ATG7: variants seen among roughly 807,000 people sequenced by gnomAD.
ATG7 encodes the protein autophagy related 7, also known as ubiquitin-like modifier-activating enzyme ATG7.
A neutral mutation model predicts 82.4 loss-of-function variants in ATG7; 70 were observed. That is an observed-to-expected ratio of 0.85 (90% CI 0.70 to 1.04). The LOEUF (loss-of-function observed/expected upper bound fraction) is 1.04. Among genes scored for constraint, ATG7 ranks in the 50% least tolerant of loss-of-function variants. The pLI, the probability that ATG7 is intolerant of heterozygous loss-of-function variation, is 0.00. For synonymous variants in ATG7, 287 were observed against 313.0 expected, an observed-to-expected ratio of 0.92 and a Z score of 0.88; for missense variants, 792 against 864.3, an observed-to-expected ratio of 0.92 and a Z score of 1.05.
At chr3:11,435,674 C>T (rs914094710) in intron 20 of ATG7, among the ~76,000 whole-genome samples, 1 of 152,128 alleles carries the variant, frequency 6.6e-6, no homozygotes, top group Non-Finnish European at 1.5e-5. Flanking sequence ...CAGGCAGGAC[C>T]GTGTGCAGCA....
At chr3:11,300,565 A>T (rs1020819386) in intron 5 of ATG7, among the ~76,000 whole-genome samples, 1 of 152,196 alleles carries the variant, frequency 6.6e-6, no homozygotes, top group Non-Finnish European at 1.5e-5. Context: ...GTCTGCTAGA[A>T]ATGTCCAGGA....
At chr3:11,558,732 T>C (rs1473501373), downstream of ATG7, 4 of 1,614,074 alleles carry the variant, frequency 2.5e-6, no homozygotes, top group Non-Finnish European at 3.4e-6. Context: ...GAGCCCGTGA[T>C]GGACACGGAG....
At chr3:11,286,492 G>T (rs527831596) in intron 3 of ATG7, among the ~76,000 whole-genome samples, 2 of 146,572 alleles carry the variant, frequency 1.4e-5, no homozygotes, top group African/African-American at 2.5e-5. Flanking sequence ...GTTATTTCTT[G>T]CTTTTGTTTC....
At chr3:11,575,582 A>G in the ATG7 span, among the ~76,000 whole-genome samples, 2 of 152,200 alleles carry the variant, frequency 1.3e-5, no homozygotes, top group Non-Finnish European at 2.9e-5. Context: ...GCGGATCCGG[A>G]ACCACAGTGT....
intron 2 of ATG7, among the ~76,000 whole-genome samples, chr3:11,281,365 G>A (rs1398953662): frequency 6.6e-6 from 1 of 152,216 alleles, no homozygotes; most frequent in Non-Finnish European, 1.5e-5. Context: ...TGAAGCAGAG[G>A]TGTAATTTTC....
At chr3:11,328,065 A>G (rs1575475106) in intron 9 of ATG7, among the ~76,000 whole-genome samples, 1 of 152,224 alleles carries the variant, frequency 6.6e-6, no homozygotes, top group Non-Finnish European at 1.5e-5. Flanking sequence ...ATTCAAGTCC[A>G]TGGAGTGGAC....
At chr3:11,531,048 C>T (rs760906651) in intron 20 of ATG7, among the ~76,000 whole-genome samples, 3 of 152,182 alleles carry the variant, frequency 2.0e-5, no homozygotes, top group Non-Finnish European at 2.9e-5. Context: ...AGTGTCTGCT[C>T]ACCACAGGAC....
chr3:11,336,583 A>ATAAT (rs543635016), intron 11 of ATG7, among the ~76,000 whole-genome samples: 44 of 152,364 alleles, frequency 2.9e-4, no homozygotes, highest in Admixed American at 1.2e-3. Context: ...AACTGAAAAT[A>ATAAT]TAAGTATGGT....
Position 11,315,392 on chromosome 3 carries a change from G to A in ATG7, c.577G>A (p.Val193Ile). The A allele has an allele frequency of 6.2e-7, 1 of 1,611,564 alleles. No individual in the cohort carries two copies. The highest frequency in any genetic ancestry group is 8.5e-7 in the Non-Finnish European group (1 of 1,178,910). ...TGATAATCTTTGTCAAACAGAAGGAGTCACAGCTCTTCCTTACTTCTTAAT... is the reference window on the plus strand; with the variant it reads ...TGATAATCTTTGTCAAACAGAAGGAATCACAGCTCTTCCTTACTTCTTAAT... ...AYDNLCQTEG[V>I]TALPYFLIKY... is the part of the protein sequence containing the mutation. The change falls in exon 9 of 21, where the codon GTC (valine) becomes ATC (isoleucine). Residue 193 changes from valine to isoleucine, a missense_variant. Coordinates refer to ENST00000693202, the MANE Select transcript of ATG7 (RefSeq NM_001349232.2).
At chr3:11,277,823 G>A (rs1942140525) in intron 1 of ATG7, among the ~76,000 whole-genome samples, 2 of 144,420 alleles carry the variant, frequency 1.4e-5, no homozygotes, top group South Asian at 4.4e-4. Context: ...TACTGCAGGA[G>A]AACAGGGCAT....
At chr3:11,524,849 A>G (rs2092533772) in intron 20 of ATG7, among the ~76,000 whole-genome samples, 1 of 152,112 alleles carries the variant, frequency 6.6e-6, no homozygotes, top group Non-Finnish European at 1.5e-5. Context: ...GCAGATCCCC[A>G]TTGTCCTGTC....
intron 19 of ATG7, among the ~76,000 whole-genome samples, chr3:11,424,597 TAATA>T (rs1252492453): frequency 4.7e-5 from 5 of 107,416 alleles, no homozygotes; most frequent in African/African-American, 1.1e-4. Context: ...ATTTTAATTT[TAATA>T]AATATTAATT....
intron 3 of ATG7, among the ~76,000 whole-genome samples, chr3:11,293,410 A>G (rs1945281657): frequency 6.6e-6 from 1 of 152,006 alleles, no homozygotes; most frequent in Non-Finnish European, 1.5e-5. Context: ...GCATGCCTGT[A>G]ATCCCAGCTA....
chr3:11,567,875 C>T, the ATG7 span, among the ~76,000 whole-genome samples: 1 of 152,194 alleles, frequency 6.6e-6, no homozygotes, highest in Non-Finnish European at 1.5e-5. Flanking sequence ...TTCTCTCCAC[C>T]CCAGGTGATG....
chr3:11,461,207 A>T (rs1044075402), intron 20 of ATG7, among the ~76,000 whole-genome samples: 2 of 152,206 alleles, frequency 1.3e-5, no homozygotes, highest in Non-Finnish European at 2.9e-5. Flanking sequence ...GAAAAATAAG[A>T]AATGCAGAGA....
intron 11 of ATG7, among the ~76,000 whole-genome samples, chr3:11,338,501 G>T (rs1193496254): frequency 6.6e-6 from 1 of 151,518 alleles, no homozygotes; most frequent in Non-Finnish European, 1.5e-5. Context: ...AAACAATTCT[G>T]AAGTCTTAAC....
At chr3:11,374,548 G>A (rs1575810454) in intron 18 of ATG7, among the ~76,000 whole-genome samples, 1 of 152,084 alleles carries the variant, frequency 6.6e-6, no homozygotes, top group East Asian at 1.9e-4. Context: ...GATACCAAAA[G>A]ACCAAGCAAT....
At chr3:11,546,267 G>A (rs1011819396) in intron 20 of ATG7, among the ~76,000 whole-genome samples, 1 of 147,888 alleles carries the variant, frequency 6.8e-6, no homozygotes, top group Non-Finnish European at 1.5e-5. Flanking sequence ...TTCCTTCCGG[G>A]TTCAAGCAAT....
At chr3:11,442,941 G>A (rs910676303) in intron 20 of ATG7, among the ~76,000 whole-genome samples, 3 of 151,738 alleles carry the variant, frequency 2.0e-5, no homozygotes, top group Non-Finnish European at 4.4e-5. Context: ...AAAACAAAAG[G>A]AAAAACAACT....
Sources: gnomAD v4.1 joint callset for allele counts (sites outside exome capture counted in the v4.1 genomes callset) on GRCh38, gnomAD v4.1.1 for gene constraint, MANE v1.5 for transcripts, NCBI Gene and HGNC (gene_info 2026-07-23, HGNC 2026-07-21) for gene names.